The following DSCAM variants were observed in gnomAD, a reference collection of about 807,000 sequenced individuals.
The protein encoded by DSCAM is DS cell adhesion molecule.
Under a neutral mutation model 217.7 loss-of-function variants are expected in DSCAM, and 47 were observed. The ratio of observed to expected loss-of-function variants is 0.22; its 90% CI spans 0.17 to 0.28. The LOEUF (loss-of-function observed/expected upper bound fraction) is 0.28. DSCAM is among the 10% of genes least tolerant of loss of function. The pLI, the probability that DSCAM is intolerant of heterozygous loss-of-function variation, is 1.00. For missense variants in DSCAM, 2,080 were observed against 2,618.3 expected, an observed-to-expected ratio of 0.79 and a Z score of 4.49; for synonymous variants, 1,056 against 1,015.3, an observed-to-expected ratio of 1.04 and a Z score of -0.76.
At chr21:40,294,340 AAAC>A (rs1306548259) in intron 10 of DSCAM, among the ~76,000 whole-genome samples, 1 of 152,238 alleles carries the variant, frequency 6.6e-6, no homozygotes, top group African/African-American at 2.4e-5. Flanking sequence ...AAAACATGTT[AAAC>A]AACATTAACA....
rs552898359 is a variant in DSCAM at position 40,690,804 on chromosome 21, C to T, written c.508+2006G>A. On this transcript the variant is annotated intron_variant, in intron 3 of 32. Coordinates refer to ENST00000400454, the MANE Select transcript of DSCAM (RefSeq NM_001389.5). ...AGATGTCTAAAAACAAAAGAACACACGTATTATGCATAACCAAAGAGATTC... is the reference window on the plus strand; with the variant it reads ...AGATGTCTAAAAACAAAAGAACACATGTATTATGCATAACCAAAGAGATTC... Among the ~76,000 whole-genome samples the T allele has an allele frequency of 2.6e-5, 4 of 152,296 alleles. No homozygotes were observed. The East Asian group carries it at 5.8e-4, about 22-fold the overall frequency.
At position 40,016,326 on chromosome 21, in the gene DSCAM, CTG is replaced by C. The variant is rs931106932; in HGVS notation, c.5687-2942_5687-2941del. 7.2e-5 allele frequency among the ~76,000 whole-genome samples: 11 copies of C among 152,140 alleles called. No homozygotes were observed. The highest frequency in any genetic ancestry group is 2.7e-4 in the African/African-American group (11 of 41,422). ...CTTCCCAGGCTCTAAGCTCAGGAAA[CTG>C]TGTGGACAGTGAAATCACTAACTGT... On this transcript the variant is annotated intron_variant, in intron 32 of 32. Transcript: ENST00000400454. The surrounding 1 kb of genome is among the most constrained non-coding windows in gnomAD (Gnocchi z 4.3).
At chr21:40,345,022 T>A in intron 6 of DSCAM, among the ~76,000 whole-genome samples, 1 of 152,222 alleles carries the variant, frequency 6.6e-6, no homozygotes, top group East Asian at 1.9e-4. Context: ...TCAAGTTCAC[T>A]GATACTTTCT....
At chr21:40,613,072 T>C (rs2089337688) in intron 3 of DSCAM, among the ~76,000 whole-genome samples, 1 of 152,178 alleles carries the variant, frequency 6.6e-6, no homozygotes, top group Admixed American at 6.5e-5. Flanking sequence ...TAGTATGTGA[T>C]GACGAAAATC....
At chr21:40,295,485 TA>T (rs754188543) in intron 10 of DSCAM, among the ~76,000 whole-genome samples, 9 of 152,020 alleles carry the variant, frequency 5.9e-5, no homozygotes, top group Non-Finnish European at 1.0e-4. Flanking sequence ...GAAACATGAT[TA>T]GGGGTGCAAG....
chr21:40,461,463 G>C (rs147897088), intron 3 of DSCAM, among the ~76,000 whole-genome samples: 74 of 152,292 alleles, frequency 4.9e-4, no homozygotes, highest in Admixed American at 7.2e-4. Flanking sequence ...CAGCAGTTTA[G>C]AGAAGTTAAA....
At chr21:40,556,339 CACA>C (rs2076671551) in intron 3 of DSCAM, among the ~76,000 whole-genome samples, 1 of 152,086 alleles carries the variant, frequency 6.6e-6, no homozygotes, top group African/African-American at 2.4e-5. Flanking sequence ...AGGCAATTAA[CACA>C]TATTTTGTAT....
chr21:40,597,575 C>A (rs1008366777), intron 3 of DSCAM, among the ~76,000 whole-genome samples: 4 of 135,478 alleles, frequency 3.0e-5, no homozygotes, highest in African/African-American at 1.1e-4. Flanking sequence ...GACATGATCT[C>A]GGCTCACTGC....
At chr21:40,238,561 G>A (rs1393753866) in intron 11 of DSCAM, among the ~76,000 whole-genome samples, 2 of 152,286 alleles carry the variant, frequency 1.3e-5, no homozygotes, top group Non-Finnish European at 2.9e-5. Context: ...GGAAGACAGA[G>A]ACAACCAAGC....
chr21:40,139,608 A>AT (rs2090263624), intron 18 of DSCAM, among the ~76,000 whole-genome samples: 1 of 151,738 alleles, frequency 6.6e-6, no homozygotes, highest in South Asian at 2.1e-4. Context: ...TTCCTTAGTG[A>AT]TTTTGGGGGC....
chr21:40,054,547 G>A (rs977218948), intron 29 of DSCAM, among the ~76,000 whole-genome samples: 4 of 152,200 alleles, frequency 2.6e-5, no homozygotes, highest in Non-Finnish European at 2.9e-5. Context: ...CTGAGAGTCA[G>A]GCAGTTTATC....
In DSCAM at chr21:40,202,051, CTCTT is replaced by C. The variant is rs567599300; in HGVS notation, c.2357-12817_2357-12814del. 3.5e-4 allele frequency among the ~76,000 whole-genome samples: 54 copies of C among 152,250 alleles called. No individual in the cohort carries two copies. The South Asian group carries it at 6.8e-3, about 19-fold the overall frequency. On this transcript the variant is annotated intron_variant, in intron 11 of 32. Transcript: ENST00000400454. ...TTCTACTTGGGTGCCCCAGTTCTCT[CTCTT>C]TCTGTCTGATCACTTGCTCCAGGGA...
chr21:40,637,222 A>T (rs1275001519), intron 3 of DSCAM, among the ~76,000 whole-genome samples: 1 of 3,372 alleles, frequency 3.0e-4, no homozygotes, highest in Non-Finnish European at 3.8e-4. Context: ...TATAAATATA[A>T]ATATATATAT....
chr21:40,396,749 A>T (rs1015464286), intron 3 of DSCAM, among the ~76,000 whole-genome samples: 1 of 152,286 alleles, frequency 6.6e-6, no homozygotes, highest in African/African-American at 2.4e-5. Context: ...TACCACAGCT[A>T]CTACAACTGA....
intron 3 of DSCAM, among the ~76,000 whole-genome samples, chr21:40,571,781 G>A (rs2076808686): frequency 1.3e-5 from 2 of 152,110 alleles, no homozygotes. Flanking sequence ...GTAGAGATGA[G>A]GTTTTGCCAT....
intron 3 of DSCAM, among the ~76,000 whole-genome samples, chr21:40,637,570 T>TATATAC (rs1466915723): frequency 2.6e-5 from 1 of 39,078 alleles, no homozygotes; most frequent in African/African-American, 8.0e-5. Context: ...CATATATAAA[T>TATATAC]ATATATAAAT....
chr21:40,640,948 T>C (rs1469697182), intron 3 of DSCAM, among the ~76,000 whole-genome samples: 2 of 152,196 alleles, frequency 1.3e-5, no homozygotes, highest in Non-Finnish European at 2.9e-5. Context: ...TAGGAAATTA[T>C]TCCTACTTTC....
chr21:40,380,528 G>A (rs2075009298), intron 3 of DSCAM, among the ~76,000 whole-genome samples: 1 of 152,156 alleles, frequency 6.6e-6, no homozygotes, highest in Non-Finnish European at 1.5e-5. Context: ...GCATTTACAT[G>A]AATTGAGAAA....
At chr21:40,573,877 C>A (rs1046046309) in intron 3 of DSCAM, among the ~76,000 whole-genome samples, 42 of 152,090 alleles carry the variant, frequency 2.8e-4, no homozygotes, top group African/African-American at 9.9e-4. Context: ...GATACAGCCA[C>A]TTATATAAAA....
Sources: allele counts gnomAD v4.1 joint callset (sites outside exome capture counted in the v4.1 genomes callset), GRCh38; gene constraint gnomAD v4.1.1; non-coding constraint Gnocchi (gnomAD v3.1); transcripts MANE v1.5; gene names NCBI Gene and HGNC (gene_info 2026-07-23, HGNC 2026-07-21).